The following ROBO4 variants were observed in gnomAD, a reference collection of about 807,000 sequenced individuals.
ROBO4 encodes the protein roundabout guidance receptor 4, also known as roundabout homolog 4.
In ROBO4, 80 loss-of-function variants were observed where a neutral mutation model predicts 103.3. The ratio of observed to expected loss-of-function variants is 0.77; its 90% CI spans 0.65 to 0.93. The LOEUF is 0.93. ROBO4 is among the 40% of genes least tolerant of loss of function. The probability of loss-of-function intolerance (pLI) is 0.00; values close to 1 mark genes in which losing one functional copy is unlikely to be tolerated. For missense variants in ROBO4, 1,333 were observed against 1,305.3 expected (o/e 1.02, Z -0.33); for synonymous variants, 504 against 529.7 (o/e 0.95, Z 0.67).
chr11:124,885,499 C>A (rs944396068), intron 16 of ROBO4, among the ~76,000 whole-genome samples: 2 of 152,208 alleles, frequency 1.3e-5, no homozygotes, highest in African/African-American at 4.8e-5. Context: ...CTTCACATCC[C>A]CATTCCCTGG....
chr11:124,897,473 CT>C, intron 1 of ROBO4: 1 of 162,742 alleles, frequency 6.1e-6, no homozygotes. Flanking sequence ...CATGTTCGCT[CT>C]CTCTCTCTCT....
In ROBO4 at chr11:124,888,373, G is replaced by T. The variant is rs79671733; in HGVS notation, c.1949-533C>A. On this transcript the variant is annotated intron_variant, in intron 12 of 17. Coordinates refer to ENST00000306534, the MANE Select transcript of ROBO4 (RefSeq NM_019055.6). ...ATCTCACATGGCTCTGGATAGCCCT[G>T]CTCTGGGAAACTCGACTGTCTCTCA... Among the ~76,000 whole-genome samples, 26 of 152,262 alleles carry T rather than the reference G, an allele frequency of 1.7e-4. No homozygotes were observed. The East Asian group carries it at 5.0e-3, about 29-fold the overall frequency.
In ROBO4 at chr11:124,896,545, TC is replaced by T; in HGVS notation, c.525del (p.Lys176AsnfsTer18). On this transcript the variant is annotated frameshift_variant, in exon 3 of 18. Coordinates refer to ENST00000306534, the MANE Select transcript of ROBO4 (RefSeq NM_019055.6). LOFTEE classifies it high-confidence loss of function. The stretch of plus-strand genomic sequence containing the variant: ...CTTCCGGGCTGGAGGGCCAGGGGTT[TC>T]CCATCTTTCCACCATGAGACTGTGG... Reference protein sequence around the residue: ...PEPTVSWWKDGKPLALQPGRH... With the variant: ...PEPTVSWWKDXKPLALQPGRH... 2 of 1,614,082 alleles carry T rather than the reference TC, an allele frequency of 1.2e-6. No homozygotes were observed. The highest frequency in any genetic ancestry group is 1.7e-6 in the Non-Finnish European group (2 of 1,179,996).
At chr11:124,897,347 T>C in intron 1 of ROBO4, 86 bp from the exon 2 acceptor site, 1 of 1,058,796 alleles carries the variant, frequency 9.4e-7, no homozygotes, top group Non-Finnish European at 1.3e-6. Context: ...TTCTCTTGTG[T>C]GCGAGTTTGC....
At position 124,896,622 on chromosome 11, in the gene ROBO4, A is replaced by G. The variant is rs1456987854; in HGVS notation, c.449T>C (p.Val150Ala). The G allele has an allele frequency of 6.2e-7, 1 of 1,613,966 alleles. No homozygotes were observed. The highest frequency in any genetic ancestry group is 8.5e-7 in the Non-Finnish European group (1 of 1,179,962). ...QIQPRDMVAV[V>A]GEQFTLECGP... Reference sequence around the variant, plus strand: ...ACATTCCAGAGTAAACTGCTCACCCACCACAGCCACCATGTCCCGAGGCTG... The same window carrying G: ...ACATTCCAGAGTAAACTGCTCACCCGCCACAGCCACCATGTCCCGAGGCTG... Residue 150 changes from valine (V) to alanine (A), a missense_variant, in exon 3 of 18, where the codon GTG becomes GCG. Physicochemically the swap from Val to Ala is moderately conservative, Grantham distance 64. Transcript: ENST00000306534.
In ROBO4 at chr11:124,885,250, G is replaced by T; in HGVS notation, c.2795-3C>A. On this transcript the variant is annotated splice_region_variant and splice_polypyrimidine_tract_variant and intron_variant, in intron 16 of 17. Transcript: ENST00000306534. ...TGGGGAGGGAGGTGATGAGGCATCT[G>T]TCAGGGAGGGTAGAGGTGTCTGTGG... 6.2e-7 allele frequency: 1 copy of T among 1,608,126 alleles called. No individual in the cohort carries two copies.
rs1455063496 is a variant in ROBO4 at position 124,884,307 on chromosome 11, C to A, written c.*584G>T. ...GTGCTTTTGACCTACGGTCTCATAC[C>A]TCCCTTCCTTCAGCATCCTCGCTAG... On this transcript the variant is annotated 3_prime_UTR_variant, in exon 18 of 18. Coordinates refer to ENST00000306534, the MANE Select transcript of ROBO4 (RefSeq NM_019055.6). 1 of 154,546 alleles carries A rather than the reference C, an allele frequency of 6.5e-6. No individual in the cohort carries two copies. The highest frequency in any genetic ancestry group is 2.4e-5 in the African/African-American group (1 of 41,464). 9.6% of individuals were successfully genotyped at this position (154,546 alleles called of 1,614,324 possible). A position where few individuals can be genotyped will look rare whatever the true frequency, so the allele number is the denominator to read the frequency against.
intron 7 of ROBO4, 168 bp from the exon 8 acceptor site, chr11:124,894,537 C>A: frequency 1.6e-6 from 1 of 621,106 alleles, no homozygotes; most frequent in Non-Finnish European, 2.8e-6. Context: ...GTGAGAGATA[C>A]CTCTCTCTAG....
intron 15 of ROBO4, 32 bp from the exon 16 acceptor site, chr11:124,886,854 G>T (rs1946722476): frequency 6.5e-7 from 1 of 1,529,558 alleles, no homozygotes; most frequent in South Asian, 1.3e-5. Context: ...GACAGCAATG[G>T]TTTGGGTGGA....
intron 16 of ROBO4, 65 bp downstream of exon 16, chr11:124,886,399 A>G: frequency 8.0e-7 from 1 of 1,245,180 alleles, no homozygotes; most frequent in Non-Finnish European, 1.1e-6. Flanking sequence ...CAATGATGAC[A>G]TGATAACAGT....
intron 10 of ROBO4, among the ~76,000 whole-genome samples, chr11:124,893,392 G>A (rs1279711485): frequency 2.6e-5 from 4 of 152,228 alleles, no homozygotes; most frequent in African/African-American, 7.2e-5. Context: ...TGAGGTGGTC[G>A]TCTCATGCTG....
chr11:124,893,358 G>C (rs942287793), intron 10 of ROBO4, among the ~76,000 whole-genome samples: 4 of 152,216 alleles, frequency 2.6e-5, no homozygotes, highest in Admixed American at 6.5e-5. Context: ...GTAGACCATG[G>C]GTGCACGCAT....
In ROBO4 at chr11:124,887,489, G is replaced by A; in HGVS notation, c.2067C>T (p.Pro689=). 2 of 1,613,744 alleles carry A rather than the reference G, an allele frequency of 1.2e-6. No homozygotes were observed. Among genetic ancestry groups the A allele is most frequent in the Non-Finnish European group, 1.7e-6 (2 of 1,179,948 alleles). Residue 689 remains proline, a synonymous_variant, in exon 14 of 18, where the codon CCC becomes CCT. Transcript: ENST00000306534. ...KNLSQSPGAV[P]QALVAWRALG... Reference sequence around the variant, plus strand: ...GGGCCCGCCAGGCAACCAGAGCTTGGGGCACAGCTCCTGGGGAAGAGAAGC... The same window carrying A: ...GGGCCCGCCAGGCAACCAGAGCTTGAGGCACAGCTCCTGGGGAAGAGAAGC...
rs1195697320 is a variant in ROBO4 at position 124,885,089 on chromosome 11, T to A, written c.2953A>T (p.Ile985Phe). ...TGGAGCTGACTTCTCTGGGAAGAGA[T>A]CTGAGAGTCAGGGGGCCAGGGAGGC... is the stretch of plus-strand genomic sequence containing the variant. ...GMPPWPPDSQ[I>F]SSQRSQLHCR... Residue 985 changes from isoleucine to phenylalanine, a missense_variant, in exon 17 of 18, where the codon ATC becomes TTC. By Grantham distance (21) the Ile-to-Phe change is conservative. Coordinates refer to ENST00000306534, the MANE Select transcript of ROBO4 (RefSeq NM_019055.6). 6.2e-7 allele frequency: 1 copy of A among 1,614,164 alleles called. No homozygotes were observed. Among genetic ancestry groups the A allele is most frequent in the Non-Finnish European group, 8.5e-7 (1 of 1,180,042 alleles).
At chr11:124,892,204 G>A in intron 10 of ROBO4, 1 of 378,490 alleles carries the variant, frequency 2.6e-6, no homozygotes, top group Non-Finnish European at 5.2e-6. Context: ...TAAAATGATG[G>A]CAATAGGGCC....
At chr11:124,894,404 G>A in intron 7 of ROBO4, 35 bp from the exon 8 acceptor site, 1 of 1,588,008 alleles carries the variant, frequency 6.3e-7, no homozygotes, top group Non-Finnish European at 8.6e-7. Context: ...GCTTCCCCAG[G>A]CACCATCCCA....
At chr11:124,885,782 G>A (rs935921426) in intron 16 of ROBO4, among the ~76,000 whole-genome samples, 3 of 152,184 alleles carry the variant, frequency 2.0e-5, no homozygotes, top group African/African-American at 7.2e-5. Flanking sequence ...CACGGACAGG[G>A]CAGGAGGATG....
rs770304359 is a variant in ROBO4, at chr11:124,895,072, T to G, written c.1149+9A>C. 5 of 1,596,388 alleles carry G rather than the reference T, an allele frequency of 3.1e-6. No individual in the cohort carries two copies. The Admixed American group carries it at 5.0e-5, about 16-fold the overall frequency. On this transcript the variant is annotated intron_variant, in intron 7 of 17. Transcript: ENST00000306534. ...CAGTAGGAAGGGCTATGACAGCTAG[T>G]GGGGGTACCTGGTAGCCACGGATGA...
At position 124,891,332 on chromosome 11, in the gene ROBO4, G is replaced by C; in HGVS notation, c.1915C>G (p.Pro639Ala). Residue 639 changes from proline to alanine, a missense_variant, in exon 12 of 18, where the codon CCT (proline) becomes GCT (alanine). Coordinates refer to ENST00000306534, the MANE Select transcript of ROBO4 (RefSeq NM_019055.6). ...TTTTTGGCCTTCCAAGCCTCTGCAG[G>C]GGCCAGAGACAAGCGGGGAGAAGAG... Reference protein sequence around the residue: ...GLSSPRLSLAPAEAWKAKKKQ... With the variant: ...GLSSPRLSLAAAEAWKAKKKQ... 2.6e-6 allele frequency: 4 copies of C among 1,525,384 alleles called. No individual in the cohort carries two copies. Among genetic ancestry groups the C allele is most frequent in the Non-Finnish European group, 3.5e-6 (4 of 1,138,360 alleles). 94.5% of individuals were successfully genotyped at this position (1,525,384 alleles called of 1,614,324 possible).
Sources: allele counts gnomAD v4.1 joint callset (sites outside exome capture counted in the v4.1 genomes callset), GRCh38; gene constraint gnomAD v4.1.1; transcripts MANE v1.5; gene names NCBI Gene and HGNC (gene_info 2026-07-23, HGNC 2026-07-21).